The following HSPA12A variants were observed in gnomAD, a reference collection of about 807,000 sequenced individuals.
The protein encoded by HSPA12A is heat shock 70 kDa protein 12A.
A neutral mutation model predicts 69.2 loss-of-function variants in HSPA12A; 28 were observed. The ratio of observed to expected loss-of-function variants is 0.40; its 90% CI spans 0.30 to 0.55. The LOEUF (loss-of-function observed/expected upper bound fraction) is 0.55. Ranked by LOEUF, HSPA12A falls within the 20% of genes least tolerant of loss-of-function variation. The pLI, the probability that HSPA12A is intolerant of heterozygous loss-of-function variation, is 0.38. For missense variants in HSPA12A, 686 were observed against 900.7 expected (o/e 0.76, Z 3.05); for synonymous variants, 345 against 370.5 (o/e 0.93, Z 0.79).
At chr10:116,748,537 G>T (rs1459594580) in intron 2 of HSPA12A, among the ~76,000 whole-genome samples, 1 of 152,186 alleles carries the variant, frequency 6.6e-6, no homozygotes, top group Non-Finnish European at 1.5e-5. Flanking sequence ...GTCACTGGAT[G>T]TGTTAGTCCA....
At chr10:116,803,985 G>C (rs544793488) in intron 2 of HSPA12A, among the ~76,000 whole-genome samples, 1 of 152,174 alleles carries the variant, frequency 6.6e-6, no homozygotes, top group South Asian at 2.1e-4. Context: ...TAAGTACACG[G>C]AGAAGCAAAA....
At chr10:116,682,605 C>T (rs1849446801) in intron 7 of HSPA12A, among the ~76,000 whole-genome samples, 1 of 152,128 alleles carries the variant, frequency 6.6e-6, no homozygotes, top group Non-Finnish European at 1.5e-5. Flanking sequence ...TGCTGAGTGG[C>T]GGAGACGCCT....
chr10:116,839,606 A>T (rs1213670517), intron 1 of HSPA12A, among the ~76,000 whole-genome samples: 1 of 112,224 alleles, frequency 8.9e-6, no homozygotes, highest in African/African-American at 3.9e-5. Context: ...GCCTACCGTA[A>T]AAAAAAAAAA....
chr10:116,716,295 A>C (rs989907400), intron 1 of HSPA12A, among the ~76,000 whole-genome samples: 3 of 152,132 alleles, frequency 2.0e-5, no homozygotes, highest in African/African-American at 7.2e-5. Flanking sequence ...TGAGATCCCA[A>C]TGCCATATGG....
chr10:116,695,660 C>T (rs1849870985), intron 5 of HSPA12A, among the ~76,000 whole-genome samples: 1 of 151,808 alleles, frequency 6.6e-6, no homozygotes, highest in Admixed American at 6.6e-5. Context: ...ACTAAAAATA[C>T]AAAAAATTAG....
intron 2 of HSPA12A, among the ~76,000 whole-genome samples, chr10:116,834,456 AAAG>A (rs1226595669): frequency 8.5e-5 from 13 of 152,180 alleles, no homozygotes; most frequent in African/African-American, 2.9e-4. Context: ...GGGAGGCACC[AAAG>A]AAGAAGGAGG....
At chr10:116,688,622 T>C (rs1021231051) in intron 6 of HSPA12A, among the ~76,000 whole-genome samples, 6 of 152,238 alleles carry the variant, frequency 3.9e-5, no homozygotes, top group African/African-American at 1.4e-4. Context: ...GCGGTCAGGC[T>C]ACAGAAAGGC....
chr10:116,786,841 T>C (rs1844586789), intron 2 of HSPA12A, among the ~76,000 whole-genome samples: 1 of 152,082 alleles, frequency 6.6e-6, no homozygotes, highest in Non-Finnish European at 1.5e-5. Flanking sequence ...AGTTTTGCCA[T>C]GTTGGCCAGA....
chr10:116,804,483 G>A (rs1037231264), intron 2 of HSPA12A, among the ~76,000 whole-genome samples: 5 of 152,012 alleles, frequency 3.3e-5, no homozygotes, highest in African/African-American at 7.2e-5. Context: ...CCGAGTCCCT[G>A]AGATTCTCGG....
chr10:116,689,891 C>G (rs543780886), intron 6 of HSPA12A, among the ~76,000 whole-genome samples: 11 of 151,890 alleles, frequency 7.2e-5, no homozygotes, highest in Non-Finnish European at 1.6e-4. Context: ...TTGCTCTATT[C>G]AGGCCTTCAA....
At chr10:116,720,371 G>A (rs1339514911) in intron 1 of HSPA12A, among the ~76,000 whole-genome samples, 1 of 152,222 alleles carries the variant, frequency 6.6e-6, no homozygotes. Context: ...AACTGGGGCT[G>A]GGGCAAGAGC....
In HSPA12A at chr10:116,692,335, CT is replaced by C. The variant is rs782146104; in HGVS notation, c.663+15del. ...CCTTCTCCTCCGGCTTCCACCCGCC[CT>C]GACTCTACCCTCACCTGGTAGGCAG... On this transcript the variant is annotated intron_variant, in intron 6 of 11. Coordinates refer to ENST00000369209, the MANE Select transcript of HSPA12A (RefSeq NM_025015.3). 1.2e-6 allele frequency: 2 copies of C among 1,605,238 alleles called. No individual in the cohort carries two copies. Among genetic ancestry groups the C allele is most frequent in the East Asian group, 4.5e-5 (2 of 44,824 alleles).
chr10:116,751,904 A>C (rs1246963135), intron 2 of HSPA12A, among the ~76,000 whole-genome samples: 6 of 152,104 alleles, frequency 3.9e-5, no homozygotes, highest in Non-Finnish European at 2.9e-5. Flanking sequence ...TGCCTTCACC[A>C]TAATTGTAAG....
chr10:116,792,830 AAAAAGAAAAGAG>A lies in HSPA12A; in HGVS notation c.91+42093_91+42104del, dbSNP rs575527895. Among the ~76,000 whole-genome samples the A allele has an allele frequency of 1.4e-4, 22 of 151,960 alleles. No homozygotes were observed. The South Asian group carries it at 2.1e-3, about 14-fold the overall frequency. Reference sequence around the variant, plus strand: ...AAGAAAGAAAAAGAAAGAAAGAAAGAAAAAGAAAAGAGAAAAGAAAAGAAAAAGAAAATCTAT... The same window carrying A: ...AAGAAAGAAAAAGAAAGAAAGAAAGAAAAAGAAAAGAAAAAGAAAATCTAT... On this transcript the variant is annotated intron_variant, in intron 2 of 12. Coordinates refer to the HSPA12A transcript ENST00000635765.
At chr10:116,680,682 CA>C (rs1849376307) in intron 9 of HSPA12A, among the ~76,000 whole-genome samples, 2 of 152,194 alleles carry the variant, frequency 1.3e-5, no homozygotes, top group South Asian at 4.1e-4. Context: ...GACAGGGTTT[CA>C]TCATGTTGGC....
In HSPA12A at chr10:116,738,247, T is replaced by C. The variant is rs1231357242; in HGVS notation, c.40+4183A>G. Among the ~76,000 whole-genome samples the C allele has an allele frequency of 2.6e-5, 4 of 152,182 alleles. No individual in the cohort carries two copies. In the East Asian group the frequency reaches 7.7e-4, roughly 29 times the overall value. ...CTTGGCCCACTCCTGAGCATCCACA[T>C]TTCCAGGAGCACCACTGCGGAGTGG... On this transcript the variant is annotated intron_variant, in intron 1 of 11. Coordinates refer to ENST00000369209, the MANE Select transcript of HSPA12A (RefSeq NM_025015.3).
intron 1 of HSPA12A, among the ~76,000 whole-genome samples, chr10:116,741,149 C>T (rs1359577034): frequency 6.6e-6 from 1 of 152,068 alleles, no homozygotes; most frequent in East Asian, 1.9e-4. Context: ...TCAGGATCCC[C>T]CACCCGCCAC....
intron 3 of HSPA12A, among the ~76,000 whole-genome samples, chr10:116,704,079 A>G (rs1229916379): frequency 2.0e-5 from 3 of 152,220 alleles, no homozygotes; most frequent in Non-Finnish European, 4.4e-5. Flanking sequence ...CTAGAACTAG[A>G]AATGCCATTT....
chr10:116,774,548 T>G (rs1844289426), intron 2 of HSPA12A, among the ~76,000 whole-genome samples: 1 of 151,288 alleles, frequency 6.6e-6, no homozygotes, highest in African/African-American at 2.4e-5. Context: ...TGAGAACCCC[T>G]GGAATAAAGA....
Sources: gnomAD v4.1 joint callset for allele counts (sites outside exome capture counted in the v4.1 genomes callset) on GRCh38, gnomAD v4.1.1 for gene constraint, MANE v1.5 for transcripts, NCBI Gene and HGNC (gene_info 2026-07-23, HGNC 2026-07-21) for gene names.